Variants in TBC1D32 observed in about 807,000 individuals in gnomAD.
The protein encoded by TBC1D32 is protein broad-minded.
A neutral mutation model predicts 170.3 loss-of-function variants in TBC1D32; 151 were observed. The ratio of observed to expected loss-of-function variants is 0.89; its 90% CI spans 0.78 to 1.01. The LOEUF is 1.01. Among genes scored for constraint, TBC1D32 ranks in the 50% least tolerant of loss-of-function variants. TBC1D32 has a pLI of 0.00. For missense variants in TBC1D32, 1,464 were observed against 1,457.1 expected (o/e 1.00, Z -0.08); for synonymous variants, 498 against 488.0 (o/e 1.02, Z -0.27).
intron 19 of TBC1D32, 136 bp from the exon 20 acceptor site, chr6:121,239,324 A>G: frequency 2.2e-6 from 1 of 459,364 alleles, no homozygotes; most frequent in South Asian, 5.5e-5. Flanking sequence ...ATAAAAAATA[A>G]TCTCTTCTTG....
intron 21 of TBC1D32, among the ~76,000 whole-genome samples, chr6:121,210,033 A>G (rs904205993): frequency 1.3e-5 from 2 of 152,242 alleles, no homozygotes; most frequent in African/African-American, 4.8e-5. Context: ...AAAATTGTGT[A>G]TATTAAAGGA....
At chr6:121,095,095 C>G (rs1014734037) in intron 30 of TBC1D32, among the ~76,000 whole-genome samples, 1 of 152,006 alleles carries the variant, frequency 6.6e-6, no homozygotes, top group Non-Finnish European at 1.5e-5. Context: ...GAAAGTGAAA[C>G]AAATGAATTT....
chr6:121,117,075 CTTAT>C (rs146249926), intron 26 of TBC1D32, among the ~76,000 whole-genome samples: 488 of 152,202 alleles, frequency 3.2e-3, no homozygotes, highest in African/African-American at 0.011. Flanking sequence ...GCCTCTACAG[CTTAT>C]TTGTTATACA....
intron 30 of TBC1D32, among the ~76,000 whole-genome samples, chr6:121,096,683 C>T (rs12527842): frequency 0.28 from 41,127 of 144,452 alleles, 8,464 homozygotes; most frequent in African/African-American, 0.57. Flanking sequence ...CTTCATAGAA[C>T]TGGAAAAAAC....
At chr6:121,243,687 A>G (rs2128367108) in intron 17 of TBC1D32, among the ~76,000 whole-genome samples, 1 of 152,168 alleles carries the variant, frequency 6.6e-6, no homozygotes, top group Non-Finnish European at 1.5e-5. Flanking sequence ...ATGGGTCACA[A>G]AGTAAGTTCA....
intron 29 of TBC1D32, 117 bp downstream of exon 29, chr6:121,112,388 G>T: frequency 1.1e-6 from 1 of 915,204 alleles, no homozygotes. Context: ...CATTCAAGTA[G>T]AAAAATGAGT....
In TBC1D32 at chr6:121,205,070, T is replaced by C. The variant is rs777276386; in HGVS notation, c.2570+5A>G. The C allele has an allele frequency of 2.7e-6, 4 of 1,476,576 alleles. No homozygotes were observed. In the South Asian group the frequency reaches 5.1e-5, roughly 19 times the overall value. The allele number at this position is 1,476,576 out of a possible 1,614,324, so 91.5% of individuals were successfully genotyped here. A position where few individuals can be genotyped will look rare whatever the true frequency, so the allele number is the denominator to read the frequency against. On this transcript the variant is annotated splice_donor_5th_base_variant and intron_variant, in intron 22 of 31. Transcript: ENST00000398212. The stretch of plus-strand genomic sequence containing the variant: ...TAATATCAAAAGTAAAATGTAGCAT[T>C]TTACCTTAGACCAAAGATATGTGAT...
At chr6:121,331,197 T>TG in intron 1 of TBC1D32, among the ~76,000 whole-genome samples, 2 of 148,602 alleles carry the variant, frequency 1.3e-5, no homozygotes, top group East Asian at 1.9e-4. Context: ...CTTTTTGGTT[T>TG]TTTGTTGTTG....
At chr6:121,184,193 A>G (rs1455411763) in intron 22 of TBC1D32, among the ~76,000 whole-genome samples, 1 of 152,010 alleles carries the variant, frequency 6.6e-6, no homozygotes, top group Non-Finnish European at 1.5e-5. Context: ...AATTTGGTCT[A>G]GGGTAGCCTT....
intron 30 of TBC1D32, among the ~76,000 whole-genome samples, chr6:121,104,830 T>G (rs1778524406): frequency 1.3e-5 from 2 of 151,578 alleles, no homozygotes; most frequent in African/African-American, 4.8e-5. Context: ...AATAACACAA[T>G]TTTTCTCCAA....
At chr6:121,230,586 A>G (rs1023099289) in intron 20 of TBC1D32, among the ~76,000 whole-genome samples, 3 of 152,004 alleles carry the variant, frequency 2.0e-5, no homozygotes, top group African/African-American at 7.2e-5. Flanking sequence ...CACAGAAAAA[A>G]TAAAGTTAAT....
chr6:121,271,721 T>A (rs1057375560), intron 15 of TBC1D32, among the ~76,000 whole-genome samples: 4 of 152,126 alleles, frequency 2.6e-5, no homozygotes, highest in African/African-American at 9.7e-5. Context: ...GCCATCCCCA[T>A]CAAGCTACCA....
chr6:121,297,281 T>G (rs1805798057), intron 10 of TBC1D32, among the ~76,000 whole-genome samples: 1 of 152,116 alleles, frequency 6.6e-6, no homozygotes, highest in South Asian at 2.1e-4. Context: ...TTGTATTTGA[T>G]ACTTATTGCC....
chr6:121,312,782 T>C (rs1170175978), intron 3 of TBC1D32, among the ~76,000 whole-genome samples: 1 of 152,210 alleles, frequency 6.6e-6, no homozygotes, highest in Non-Finnish European at 1.5e-5. Flanking sequence ...AAAAATAAAT[T>C]GTGCCATGCT....
chr6:121,231,391 A>G (rs1795719561), intron 20 of TBC1D32, among the ~76,000 whole-genome samples: 1 of 152,142 alleles, frequency 6.6e-6, no homozygotes, highest in Admixed American at 6.6e-5. Context: ...TGCATTTGCA[A>G]GTATCTTTTT....
intron 24 of TBC1D32, among the ~76,000 whole-genome samples, chr6:121,154,729 G>GT (rs1784656191): frequency 6.6e-6 from 1 of 152,136 alleles, no homozygotes; most frequent in African/African-American, 2.4e-5. Flanking sequence ...CACAGCAAAA[G>GT]TAATTACCAA....
chr6:121,267,934 AT>A lies in TBC1D32; in HGVS notation c.1733+11186del, dbSNP rs112782035. Among the ~76,000 whole-genome samples, 469 of 152,210 alleles carry A rather than the reference AT, an allele frequency of 3.1e-3. 4 individuals carry two copies. Among genetic ancestry groups the A allele is most frequent in the African/African-American group, 0.011 (454 of 41,526 alleles). Reference sequence around the variant, plus strand: ...TCCAGTGGAACGATCAGGCAGCAACATTTGCCATTCTGCAATATTTGCTGTT... The same window carrying A: ...TCCAGTGGAACGATCAGGCAGCAACATTGCCATTCTGCAATATTTGCTGTT... On this transcript the variant is annotated intron_variant, in intron 15 of 31. Coordinates refer to ENST00000398212, the MANE Select transcript of TBC1D32 (RefSeq NM_152730.6).
intron 9 of TBC1D32, among the ~76,000 whole-genome samples, chr6:121,299,899 T>A (rs1350888718): frequency 1.3e-5 from 2 of 152,180 alleles, no homozygotes; most frequent in South Asian, 2.1e-4. Flanking sequence ...ACGGTCTACA[T>A]GTGCAGAAAT....
At chr6:121,130,131 A>C (rs1273729) in intron 25 of TBC1D32, among the ~76,000 whole-genome samples, 144,393 of 152,106 alleles carry the variant, frequency 0.95, 68,946 homozygotes, top group Non-Finnish European at 1. Context: ...TTTGCCCCAA[A>C]ACTATAGCCC....
Sources: gnomAD v4.1 joint callset for allele counts (sites outside exome capture counted in the v4.1 genomes callset) on GRCh38, gnomAD v4.1.1 for gene constraint, MANE v1.5 for transcripts, NCBI Gene and HGNC (gene_info 2026-07-23, HGNC 2026-07-21) for gene names.